The following KIF9 variants were observed in gnomAD, a reference collection of about 807,000 sequenced individuals.
The protein encoded by KIF9 is kinesin-like protein KIF9.
A neutral mutation model predicts 94.8 loss-of-function variants in KIF9; 68 were observed. The observed-to-expected ratio is 0.72, with a 90% CI of 0.59 to 0.88. KIF9 has a LOEUF of 0.88. KIF9 is among the 40% of genes least tolerant of loss of function. KIF9 has a pLI of 0.00. For missense variants in KIF9, 882 were observed against 982.5 expected (o/e 0.90, Z 1.37); for synonymous variants, 343 against 362.1 (o/e 0.95, Z 0.60).
In KIF9 at chr3:47,244,839, T is replaced by C; in HGVS notation, c.1466A>G (p.Lys489Arg). 1.2e-6 allele frequency: 2 copies of C among 1,614,082 alleles called. No homozygotes were observed. Among genetic ancestry groups the C allele is most frequent in the South Asian group, 1.1e-5 (1 of 91,068 alleles). Residue 489 changes from lysine (K) to arginine (R), a missense_variant, in exon 15 of 21, where the codon AAA becomes AGA. Lys to Arg is a conservative substitution (Grantham distance 26, BLOSUM62 2). Coordinates refer to ENST00000684063, the MANE Select transcript of KIF9 (RefSeq NM_182902.4). The stretch of plus-strand genomic sequence containing the variant: ...CTTGGACTTGGCTTTCTTCCCAGGT[T>C]TGGTAGAGAAAGGGGCGACTCCGAG... ...FGLGVAPFSTKPGKKAKSKKT... is the reference protein window; with the variant it reads ...FGLGVAPFSTRPGKKAKSKKT...
At chr3:47,235,436 TA>T in intron 20 of KIF9, 76 bp downstream of exon 20, 1 of 1,013,008 alleles carries the variant, frequency 9.9e-7, no homozygotes, top group Non-Finnish European at 1.6e-6. Flanking sequence ...CCTACCTCTC[TA>T]AAGTAGGGAA....
chr3:47,277,111 T>G (rs1348593978), intron 2 of KIF9, 171 bp downstream of exon 2: 1 of 415,642 alleles, frequency 2.4e-6, no homozygotes, highest in East Asian at 3.6e-5. Flanking sequence ...TTTATTAATT[T>G]CTTCATTAGC....
intron 5 of KIF9, among the ~76,000 whole-genome samples, chr3:47,270,415 A>G (rs1175500293): frequency 6.6e-6 from 1 of 150,760 alleles, no homozygotes; most frequent in Non-Finnish European, 1.5e-5. Context: ...CACCACACCC[A>G]GCTTATTTTT....
chr3:47,241,843 A>AAT (rs372935276), intron 16 of KIF9, among the ~76,000 whole-genome samples: 20,100 of 125,634 alleles, frequency 0.16, 1,776 homozygotes, highest in Non-Finnish European at 0.21. Context: ...ACATATATAA[A>AAT]ATATATATAT....
chr3:47,236,451 A>T lies in KIF9; in HGVS notation c.2093T>A (p.Leu698Gln). The T allele has an allele frequency of 1.2e-6, 2 of 1,613,054 alleles. No homozygotes were observed. Among genetic ancestry groups the T allele is most frequent in the Non-Finnish European group, 1.7e-6 (2 of 1,180,030 alleles). ...CTTCCCAACTGTCGCACCCATGAGC[A>T]GGCGGTGGCGACACTGATCCACTAG... ...QHLVDQCRHR[L>Q]LMEFDIWYNE... Residue 698 changes from leucine (L) to glutamine (Q), a missense_variant, in exon 18 of 21, where the codon CTG becomes CAG. Physicochemically the swap from Leu to Gln is moderately radical, Grantham distance 113 (BLOSUM62 -2). Transcript: ENST00000684063.
chr3:47,235,560 G>C lies in KIF9; in HGVS notation c.2275C>G (p.Pro759Ala), dbSNP rs753399921. The change falls in exon 20 of 21, where the codon CCT (proline) becomes GCT (alanine). Residue 759 changes from proline (P) to alanine (A), a missense_variant. Pro to Ala is a conservative substitution (Grantham distance 27, BLOSUM62 -1). Coordinates refer to ENST00000684063, the MANE Select transcript of KIF9 (RefSeq NM_182902.4). ...QLQQRVLPEG[P>A]DSISFYNAKV... ...GCATTGTAGAAGGAGATGGAATCAG[G>C]GCCCTCAGGAAGCACCCTCTGCTGC... 1 of 1,614,106 alleles carries C rather than the reference G, an allele frequency of 6.2e-7. No homozygotes were observed. Among genetic ancestry groups the C allele is most frequent in the Non-Finnish European group, 8.5e-7 (1 of 1,179,990 alleles).
At chr3:47,259,631 T>C (rs1210494282) in intron 9 of KIF9, among the ~76,000 whole-genome samples, 1 of 151,004 alleles carries the variant, frequency 6.6e-6, no homozygotes, top group African/African-American at 2.4e-5. Context: ...GAAAAATTCT[T>C]CTGCCTTGAG....
intron 16 of KIF9, among the ~76,000 whole-genome samples, chr3:47,241,339 G>A (rs920628873): frequency 1.4e-5 from 2 of 146,178 alleles, no homozygotes; most frequent in African/African-American, 5.1e-5. Flanking sequence ...TTTTTTTCTC[G>A]AGACAGAGTT....
chr3:47,266,265 T>A (rs572111947), intron 7 of KIF9, among the ~76,000 whole-genome samples: 1 of 152,336 alleles, frequency 6.6e-6, no homozygotes, highest in South Asian at 2.1e-4. Context: ...CTCATCTGAA[T>A]ACTCTTGTTA....
chr3:47,246,350 C>A, intron 12 of KIF9, 98 bp from the exon 13 acceptor site: 1 of 875,794 alleles, frequency 1.1e-6, no homozygotes, highest in Non-Finnish European at 1.7e-6. Context: ...CTTGGCTGAC[C>A]CCTGGACCAT....
intron 17 of KIF9, among the ~76,000 whole-genome samples, chr3:47,237,924 T>A (rs890121364): frequency 6.6e-6 from 1 of 152,120 alleles, no homozygotes; most frequent in Non-Finnish European, 1.5e-5. Context: ...CCTGATGTGA[T>A]TATTTGGATA....
At position 47,258,718 on chromosome 3, in the gene KIF9, C is replaced by T. The variant is rs545534497; in HGVS notation, c.982-1158G>A. 1.3e-5 allele frequency among the ~76,000 whole-genome samples: 2 copies of T among 152,294 alleles called. 1 individual carries two copies. The highest frequency in any genetic ancestry group is 4.1e-4 in the South Asian group (2 of 4,820). ...CGTCTTCTCCTGCTTTGCCTTCCACCATGAGTAAAAGCTCCCTGAGGCCGC... is the reference window on the plus strand; with the variant it reads ...CGTCTTCTCCTGCTTTGCCTTCCACTATGAGTAAAAGCTCCCTGAGGCCGC... On this transcript the variant is annotated intron_variant, in intron 9 of 20. Transcript: ENST00000684063.
intron 17 of KIF9, 106 bp downstream of exon 17, chr3:47,240,695 A>G: frequency 1.1e-6 from 1 of 919,934 alleles, no homozygotes; most frequent in Non-Finnish European, 1.7e-6. Context: ...CAGCACCCCC[A>G]CTGGCCCCCT....
chr3:47,265,606 G>T, intron 8 of KIF9, 124 bp downstream of exon 8: 2 of 955,544 alleles, frequency 2.1e-6, no homozygotes, highest in Non-Finnish European at 3.2e-6. Flanking sequence ...CTGTGAATGT[G>T]CTGCAGGTGA....
chr3:47,228,748 G>A, intron 20 of KIF9, 46 bp from the exon 21 acceptor site: 1 of 1,503,100 alleles, frequency 6.7e-7, no homozygotes, highest in Non-Finnish European at 9.3e-7. Context: ...AGGAGGGACA[G>A]ACATAGCAGG....
At chr3:47,277,222 C>T in intron 2 of KIF9, 60 bp downstream of exon 2, 1 of 1,268,688 alleles carries the variant, frequency 7.9e-7, no homozygotes, top group Non-Finnish European at 1.1e-6. Flanking sequence ...AATACGGTCA[C>T]ACTATAGCAA....
intron 12 of KIF9, 187 bp from the exon 13 acceptor site, chr3:47,246,439 C>T (rs1264816590): frequency 1.3e-5 from 5 of 396,916 alleles, no homozygotes; most frequent in African/African-American, 2.1e-5. Context: ...AGAGAAACAC[C>T]TGATTAATAA....
chr3:47,238,155 T>C (rs765498481), intron 17 of KIF9, among the ~76,000 whole-genome samples: 3 of 152,230 alleles, frequency 2.0e-5, no homozygotes, highest in Non-Finnish European at 2.9e-5. Flanking sequence ...AAGAGACTAA[T>C]GTTCCAAATA....
In KIF9 at chr3:47,243,082, C is replaced by G; in HGVS notation, c.1678G>C (p.Asp560His). 6.2e-7 allele frequency: 1 copy of G among 1,612,386 alleles called. No individual in the cohort carries two copies. The highest frequency in any genetic ancestry group is 8.5e-7 in the Non-Finnish European group (1 of 1,178,570). Reference protein sequence around the residue: ...ETSSIEPLPSDSPKEELRPIR... With the variant: ...ETSSIEPLPSHSPKEELRPIR... ...GGGCGTAATTCCTCCTTCGGGGAGTCTGAGGGAAGGGGCTCAATGCTGGAA... is the reference window on the plus strand; with the variant it reads ...GGGCGTAATTCCTCCTTCGGGGAGTGTGAGGGAAGGGGCTCAATGCTGGAA... The change falls in exon 16 of 21, where the codon GAC becomes CAC. Residue 560 changes from aspartate to histidine, a missense_variant. Asp to His is a moderately conservative substitution (Grantham distance 81). Coordinates refer to ENST00000684063, the MANE Select transcript of KIF9 (RefSeq NM_182902.4).
Sources: allele counts gnomAD v4.1 joint callset (sites outside exome capture counted in the v4.1 genomes callset), GRCh38; gene constraint gnomAD v4.1.1; transcripts MANE v1.5; gene names NCBI Gene and HGNC (gene_info 2026-07-23, HGNC 2026-07-21).